Variants in PRKG1 observed in about 807,000 individuals in gnomAD.
PRKG1 encodes protein kinase cGMP-dependent 1.
Under a neutral mutation model 88.1 loss-of-function variants are expected in PRKG1, and 35 were observed. The observed-to-expected ratio is 0.40, with a 90% CI of 0.30 to 0.53. PRKG1 has a LOEUF of 0.53. Ranked by LOEUF, PRKG1 falls within the 20% of genes least tolerant of loss-of-function variation. PRKG1 has a pLI of 0.59. For synonymous variants in PRKG1, 303 were observed against 292.5 expected (o/e 1.04, Z -0.37); for missense variants, 540 against 839.8 (o/e 0.64, Z 4.41).
At chr10:51,598,417 G>A (rs888415692) in intron 3 of PRKG1, among the ~76,000 whole-genome samples, 6 of 152,180 alleles carry the variant, frequency 3.9e-5, no homozygotes, top group Non-Finnish European at 2.9e-5. Context: ...AGGACTACAG[G>A]TGCGTGCCAC....
At chr10:51,495,873 A>C (rs925364659) in intron 3 of PRKG1, among the ~76,000 whole-genome samples, 37 of 152,296 alleles carry the variant, frequency 2.4e-4, no homozygotes, top group Admixed American at 1.1e-3. Context: ...GATAGTTGTT[A>C]TTTTGTCTAC....
intron 1 of PRKG1, among the ~76,000 whole-genome samples, chr10:51,029,562 C>T (rs1484460570): frequency 6.6e-6 from 1 of 152,074 alleles, no homozygotes; most frequent in East Asian, 1.9e-4. Flanking sequence ...TTGGAATGTG[C>T]TCATTGGATT....
chr10:51,102,044 A>G (rs1844699195), intron 1 of PRKG1, among the ~76,000 whole-genome samples: 2 of 152,178 alleles, frequency 1.3e-5, no homozygotes, highest in South Asian at 4.1e-4. Flanking sequence ...TGGAGTAAAT[A>G]CCACCATCAT....
intron 16 of PRKG1, 88 bp downstream of exon 16, chr10:52,289,081 A>C: frequency 7.8e-7 from 1 of 1,275,342 alleles, no homozygotes; most frequent in Non-Finnish European, 1.1e-6. Context: ...AACTAGTATA[A>C]TTAGCCTATA....
Position 52,106,072 on chromosome 10 carries a change from T to A in PRKG1, c.936-27768T>A, listed in dbSNP as rs75575282. Among the ~76,000 whole-genome samples, 397 of 152,300 alleles carry A rather than the reference T, an allele frequency of 2.6e-3. 5 individuals carry two copies. Among genetic ancestry groups the A allele is most frequent in the African/African-American group, 9.0e-3 (372 of 41,552 alleles). ...GCTTCTATGTGAGAACATGTGATGT[T>A]TGATTTTCCATTCCCGAGTTACTTC... On this transcript the variant is annotated intron_variant, in intron 7 of 17. Coordinates refer to ENST00000373980, the MANE Select transcript of PRKG1 (RefSeq NM_006258.4).
intron 1 of PRKG1, among the ~76,000 whole-genome samples, chr10:50,993,709 A>G (rs1322578221): frequency 1.3e-5 from 2 of 152,180 alleles, no homozygotes; most frequent in Admixed American, 6.5e-5. Flanking sequence ...CAGGGAGGAG[A>G]TTTCACCAGG....
At chr10:51,765,701 T>C (rs967880372) in intron 3 of PRKG1, among the ~76,000 whole-genome samples, 1 of 152,196 alleles carries the variant, frequency 6.6e-6, no homozygotes, top group Non-Finnish European at 1.5e-5. Context: ...ATTTTCAATC[T>C]ACCTCCATAG....
chr10:51,613,249 A>AGGTTGTATGTTTTTAGGAATTTATCAG (rs1184828558), intron 3 of PRKG1, among the ~76,000 whole-genome samples: 4 of 151,940 alleles, frequency 2.6e-5, no homozygotes, highest in Non-Finnish European at 4.4e-5. Context: ...CAATCTTGGT[A>AGGTTGTATGTTTTTAGGAATTTATCAG]GGTTGTATGT....
At chr10:51,073,705 G>T (rs1425021687), upstream of PRKG1, among the ~76,000 whole-genome samples, 1 of 152,156 alleles carries the variant, frequency 6.6e-6, no homozygotes, top group Non-Finnish European at 1.5e-5. Flanking sequence ...AACGCCTCGG[G>T]TGCTAAAATC....
Position 52,154,827 on chromosome 10 carries a change from C to A in PRKG1, c.1002-7062C>A, listed in dbSNP as rs1331239142. Reference sequence around the variant, plus strand: ...CCTTCTCCCCTGAGTCCCCAAAGTGCCTTATGTCATTCTTATGCCTTTGCA... The same window carrying A: ...CCTTCTCCCCTGAGTCCCCAAAGTGACTTATGTCATTCTTATGCCTTTGCA... On this transcript the variant is annotated intron_variant, in intron 8 of 17. Coordinates refer to ENST00000373980, the MANE Select transcript of PRKG1 (RefSeq NM_006258.4). Among the ~76,000 whole-genome samples the A allele has an allele frequency of 2.6e-5, 4 of 152,052 alleles. No individual in the cohort carries two copies. In the East Asian group the frequency reaches 5.8e-4, roughly 22 times the overall value.
chr10:51,469,764 T>G (rs1023684114), intron 3 of PRKG1, among the ~76,000 whole-genome samples: 3 of 151,876 alleles, frequency 2.0e-5, no homozygotes, highest in Non-Finnish European at 2.9e-5. Context: ...AATGCATCCG[T>G]GCATGTGTGT....
At chr10:51,360,937 C>T (rs1041925297) in intron 2 of PRKG1, among the ~76,000 whole-genome samples, 2 of 151,818 alleles carry the variant, frequency 1.3e-5, no homozygotes, top group Admixed American at 1.3e-4. Context: ...ATTTTTCACT[C>T]TAAGAAACTA....
intron 4 of PRKG1, among the ~76,000 whole-genome samples, chr10:51,841,264 T>C (rs544279079): frequency 1.3e-5 from 2 of 152,326 alleles, no homozygotes; most frequent in East Asian, 1.9e-4. Context: ...GAACATGGAC[T>C]CTGTGCTGGG....
At chr10:52,070,633 C>T (rs1846473498) in intron 7 of PRKG1, among the ~76,000 whole-genome samples, 1 of 152,144 alleles carries the variant, frequency 6.6e-6, no homozygotes, top group African/African-American at 2.4e-5. Flanking sequence ...ACCTCATCAT[C>T]ATATGTCCTT....
intron 1 of PRKG1, among the ~76,000 whole-genome samples, chr10:51,019,708 C>T (rs1207587382): frequency 1.3e-5 from 2 of 151,216 alleles, no homozygotes; most frequent in African/African-American, 4.9e-5. Flanking sequence ...TAAAAAAACC[C>T]CACAGAATGG....
chr10:51,829,832 G>C (rs1352867596), intron 4 of PRKG1, among the ~76,000 whole-genome samples: 1 of 152,110 alleles, frequency 6.6e-6, no homozygotes, highest in Non-Finnish European at 1.5e-5. Context: ...AAGTAATTTG[G>C]TGTCTTAGGT....
intron 4 of PRKG1, among the ~76,000 whole-genome samples, chr10:51,875,051 TCTTA>T (rs1841259299): frequency 6.6e-6 from 1 of 152,186 alleles, no homozygotes; most frequent in South Asian, 2.1e-4. Flanking sequence ...ATCCTTTTCC[TCTTA>T]CTTAACACTT....
At chr10:51,945,953 G>A (rs1453545196) in intron 5 of PRKG1, among the ~76,000 whole-genome samples, 2 of 150,018 alleles carry the variant, frequency 1.3e-5, no homozygotes, top group Non-Finnish European at 3.0e-5. Context: ...CTCTTCTCGA[G>A]GAGTATCTTT....
chr10:52,107,517 T>A (rs1236357749), intron 7 of PRKG1, among the ~76,000 whole-genome samples: 1 of 152,208 alleles, frequency 6.6e-6, no homozygotes, highest in Non-Finnish European at 1.5e-5. Flanking sequence ...ACCTCCACAA[T>A]GTCTCAAAAT....
Sources: gnomAD v4.1 joint callset for allele counts (sites outside exome capture counted in the v4.1 genomes callset) on GRCh38, gnomAD v4.1.1 for gene constraint, MANE v1.5 for transcripts, NCBI Gene and HGNC (gene_info 2026-07-23, HGNC 2026-07-21) for gene names.